The following TAB2 variants were observed in gnomAD, a reference collection of about 807,000 sequenced individuals.
The protein encoded by TAB2 is TGF-beta-activated kinase 1 and MAP3K7-binding protein 2.
TAB2 carries 3 observed loss-of-function variants against 65.0 expected under a neutral mutation model. That is an observed-to-expected ratio of 0.05 (90% CI 0.02 to 0.12). The LOEUF (loss-of-function observed/expected upper bound fraction) is 0.12. TAB2 is among the 10% of genes least tolerant of loss of function. The probability of loss-of-function intolerance (pLI) is 1.00; values close to 1 mark genes in which losing one functional copy is unlikely to be tolerated. For missense variants in TAB2, 623 were observed against 840.3 expected, an observed-to-expected ratio of 0.74 and a Z score of 3.20; for synonymous variants, 298 against 285.1, an observed-to-expected ratio of 1.05 and a Z score of -0.46.
intron 6 of TAB2, chr6:149,401,053 A>AAC: frequency 1.6e-5 from 3 of 190,614 alleles, no homozygotes; most frequent in African/African-American, 7.1e-5. Flanking sequence ...ACAACAACAA[A>AAC]AAAAAATTCT....
At chr6:149,270,545 G>A (rs9498277) in intron 1 of TAB2, among the ~76,000 whole-genome samples, 5,415 of 152,122 alleles carry the variant, frequency 0.036, 333 homozygotes, top group African/African-American at 0.12. Flanking sequence ...AGTATATGAG[G>A]TCATGAACAT....
At chr6:149,397,238 T>A (rs1392913532) in intron 3 of TAB2, among the ~76,000 whole-genome samples, 1 of 152,178 alleles carries the variant, frequency 6.6e-6, no homozygotes, top group Non-Finnish European at 1.5e-5. Flanking sequence ...GGTCCAGAGT[T>A]CGAGACCAGC....
intron 1 of TAB2, among the ~76,000 whole-genome samples, chr6:149,320,242 A>G (rs1159296225): frequency 6.6e-6 from 1 of 152,092 alleles, no homozygotes; most frequent in South Asian, 2.1e-4. Context: ...ACGCCCGGCT[A>G]ATTTTTGTAC....
chr6:149,342,619 G>A (rs559994602), intron 1 of TAB2: 1 of 152,222 alleles, frequency 6.6e-6, no homozygotes, highest in Admixed American at 6.5e-5. Flanking sequence ...ATCTCATAAT[G>A]TTATCTGGTC....
rs201716223 is a variant in TAB2, at chr6:149,378,267, A to G, written c.352A>G (p.Asn118Asp). Reference sequence around the variant, plus strand: ...TGGACAACTTCAAGGTGGCCAGTCCAATAGTGAACTATTTCAGCAGGAGCC... The same window carrying G: ...TGGACAACTTCAAGGTGGCCAGTCCGATAGTGAACTATTTCAGCAGGAGCC... ...SDGQLQGGQS[N>D]SELFQQEPQT... Residue 118 changes from asparagine (N) to aspartate (D), a missense_variant, in exon 3 of 7, where the codon AAT becomes GAT. By Grantham distance (23) the Asn-to-Asp change is conservative (BLOSUM62 1). Transcript: ENST00000637181. 6.2e-7 allele frequency: 1 copy of G among 1,614,116 alleles called. No homozygotes were observed. The highest frequency in any genetic ancestry group is 1.3e-5 in the African/African-American group (1 of 74,936).
At chr6:149,294,022 A>T (rs1328733128) in intron 1 of TAB2, among the ~76,000 whole-genome samples, 1 of 152,216 alleles carries the variant, frequency 6.6e-6, no homozygotes, top group Non-Finnish European at 1.5e-5. Context: ...GAGCTAAAAA[A>T]AACCCTAAGA....
intron 1 of TAB2, among the ~76,000 whole-genome samples, chr6:149,338,204 G>A (rs1779992112): frequency 6.6e-6 from 1 of 152,208 alleles, no homozygotes; most frequent in African/African-American, 2.4e-5. Flanking sequence ...AATATTCACA[G>A]TAAGTGGGCT....
At chr6:149,307,754 A>G (rs1211949241) in intron 1 of TAB2, among the ~76,000 whole-genome samples, 2 of 152,230 alleles carry the variant, frequency 1.3e-5, no homozygotes, top group African/African-American at 4.8e-5. Context: ...TTTAAGGAAC[A>G]ATTTTGAATA....
At chr6:149,357,431 AC>A (rs1158681889) in intron 1 of TAB2, among the ~76,000 whole-genome samples, 33 of 54,416 alleles carry the variant, frequency 6.1e-4, no homozygotes, top group South Asian at 2.8e-3. Context: ...GAAAAAAAAA[AC>A]ACACACACAC....
chr6:149,330,850 C>G (rs761864827), intron 1 of TAB2, among the ~76,000 whole-genome samples: 18 of 152,098 alleles, frequency 1.2e-4, no homozygotes, highest in Non-Finnish European at 2.5e-4. Context: ...AGAACACTGG[C>G]TAACCTTAGG....
intron 1 of TAB2, among the ~76,000 whole-genome samples, chr6:149,357,430 A>AAAAAAAAACACACACACAC: frequency 1.1e-3 from 124 of 111,148 alleles, no homozygotes; most frequent in Non-Finnish European, 1.3e-3. Flanking sequence ...AGAAAAAAAA[A>AAAAAAAAACACACACACAC]ACACACACAC....
chr6:149,378,484 A>G lies in TAB2; in HGVS notation c.569A>G (p.Asn190Ser). The G allele has an allele frequency of 6.2e-7, 1 of 1,614,182 alleles. No homozygotes were observed. Among genetic ancestry groups the G allele is most frequent in the Non-Finnish European group, 8.5e-7 (1 of 1,180,044 alleles). ...GCCCCAAATATCCAGACTGGTCGTA[A>G]TACTCCTACATCTTTGCACATACAT... ...TLAPNIQTGR[N>S]TPTSLHIHGV... Residue 190 changes from asparagine to serine, a missense_variant, in exon 3 of 7, where the codon AAT (asparagine) becomes AGT (serine). This residue lies in a region of TAB2 where 550 missense variants were observed against 665.7 expected (regional missense o/e 0.83). Transcript: ENST00000637181.
Position 149,400,735 on chromosome 6 carries a change from G to T in TAB2, c.1939+1551G>T. Reference sequence around the variant, plus strand: ...CTGTTCTTTAAAGACCAAGATTACTGCATTCTCAATTAGAAAACTGCAATT... The same window carrying T: ...CTGTTCTTTAAAGACCAAGATTACTTCATTCTCAATTAGAAAACTGCAATT... On this transcript the variant is annotated intron_variant, in intron 6 of 6. Coordinates refer to ENST00000637181, the MANE Select transcript of TAB2 (RefSeq NM_001292034.3). 3 of 1,563,396 alleles carry T rather than the reference G, an allele frequency of 1.9e-6. No homozygotes were observed. In the Admixed American group the frequency reaches 5.6e-5, roughly 29 times the overall value.
intron 1 of TAB2, among the ~76,000 whole-genome samples, chr6:149,362,380 A>G (rs1453089732): frequency 6.6e-6 from 1 of 152,180 alleles, no homozygotes; most frequent in Non-Finnish European, 1.5e-5. Context: ...TGGATATCAC[A>G]TAGAGCGGGT....
chr6:149,278,025 G>A (rs1270112230), intron 1 of TAB2, among the ~76,000 whole-genome samples: 1 of 152,162 alleles, frequency 6.6e-6, no homozygotes, highest in African/African-American at 2.4e-5. Context: ...TTTCTCCCTA[G>A]CGAAGCTAAT....
chr6:149,232,713 C>T (rs2114634208), intron 1 of TAB2, among the ~76,000 whole-genome samples: 2 of 152,276 alleles, frequency 1.3e-5, no homozygotes, highest in South Asian at 4.1e-4. Context: ...ATATAGCAAG[C>T]ATTGTGTTTA....
At chr6:149,389,082 A>C (rs13209280) in intron 3 of TAB2, among the ~76,000 whole-genome samples, 1 of 148,534 alleles carries the variant, frequency 6.7e-6, no homozygotes, top group African/African-American at 2.5e-5. Context: ...CAGCCTCCCC[A>C]GTAGCTGGGA....
chr6:149,410,009 T>G lies in TAB2; in HGVS notation c.*290T>G. On this transcript the variant is annotated 3_prime_UTR_variant, in exon 7 of 7. Transcript: ENST00000637181. ...CCATTATGGATAATTCTCAATATGT[T>G]AACACCTAGGTGTTCCCAATACCTT... The G allele has an allele frequency of 2.2e-6, 1 of 458,018 alleles. No homozygotes were observed. Among genetic ancestry groups the G allele is most frequent in the South Asian group, 2.4e-5 (1 of 41,754 alleles). The allele number at this position is 458,018 out of a possible 1,614,324, so 28.4% of individuals were successfully genotyped here.
intron 6 of TAB2, among the ~76,000 whole-genome samples, chr6:149,405,115 A>G (rs1298552689): frequency 6.6e-6 from 1 of 152,232 alleles, no homozygotes; most frequent in African/African-American, 2.4e-5. Flanking sequence ...ACCAGAATAG[A>G]CATTTCTCAA....
Sources: gnomAD v4.1 joint callset for allele counts (sites outside exome capture counted in the v4.1 genomes callset) on GRCh38, gnomAD v4.1.1 for gene constraint, gnomAD v4.1.1 regional missense constraint, MANE v1.5 for transcripts, NCBI Gene and HGNC (gene_info 2026-07-23, HGNC 2026-07-21) for gene names.